TBL1X: variants seen among roughly 807,000 people sequenced by gnomAD.
The protein encoded by TBL1X is F-box-like/WD repeat-containing protein TBL1X.
Under a neutral mutation model 50.7 loss-of-function variants are expected in TBL1X, and 10 were observed. The observed-to-expected ratio is 0.20, with a 90% CI of 0.12 to 0.33. The LOEUF (loss-of-function observed/expected upper bound fraction) is 0.33. TBL1X is among the 10% of genes least tolerant of loss of function. The probability of loss-of-function intolerance (pLI) is 1.00; values close to 1 mark genes in which losing one functional copy is unlikely to be tolerated. For missense variants in TBL1X, 340 were observed against 504.4 expected, an observed-to-expected ratio of 0.67 and a Z score of 3.12; for synonymous variants, 190 against 214.7, an observed-to-expected ratio of 0.88 and a Z score of 1.01.
At chrX:9,594,883 G>A (rs750168559) in intron 2 of TBL1X, among the ~76,000 whole-genome samples, 1 of 112,046 alleles carries the variant, frequency 8.9e-6, no homozygotes, top group South Asian at 3.7e-4. Flanking sequence ...GTGTATACCC[G>A]TGTCTTTCTT....
At chrX:9,678,206 G>C (rs1268742947) in intron 5 of TBL1X, among the ~76,000 whole-genome samples, 1 of 111,679 alleles carries the variant, frequency 9.0e-6, no homozygotes, top group Non-Finnish European at 1.9e-5. Flanking sequence ...TGATTTGGTG[G>C]ACGCAGAACT....
chrX:9,482,544 T>C (rs1332827204), intron 1 of TBL1X, among the ~76,000 whole-genome samples: 1 of 112,189 alleles, frequency 8.9e-6, no homozygotes, highest in Non-Finnish European at 1.9e-5. Flanking sequence ...TTGACTTAAG[T>C]GTTGTACTAG....
chrX:9,621,526 C>T, intron 2 of TBL1X, among the ~76,000 whole-genome samples: 1 of 111,854 alleles, frequency 8.9e-6, no homozygotes, highest in East Asian at 2.8e-4. Flanking sequence ...TTCTATCCTC[C>T]TGTCCTTTTT....
At chrX:9,692,997 T>A in intron 9 of TBL1X, 152 bp from the exon 10 acceptor site, 1 of 560,978 alleles carries the variant, frequency 1.8e-6, no homozygotes, top group Admixed American at 3.1e-5. Flanking sequence ...TTACGATAGC[T>A]TTCAGCATGG....
At chrX:9,471,928 G>C (rs2081817633) in intron 1 of TBL1X, among the ~76,000 whole-genome samples, 1 of 111,528 alleles carries the variant, frequency 9.0e-6, no homozygotes, top group African/African-American at 3.3e-5. Context: ...TGGAACACCT[G>C]CCCAGGCTAG....
chrX:9,682,677 AC>A (rs2060428183), intron 5 of TBL1X, among the ~76,000 whole-genome samples: 1 of 111,830 alleles, frequency 8.9e-6, no homozygotes, highest in African/African-American at 3.2e-5. Context: ...GGGCACTGAT[AC>A]GGAAGCAGAG....
intron 2 of TBL1X, among the ~76,000 whole-genome samples, chrX:9,565,041 C>T (rs1033192234): frequency 1.9e-4 from 21 of 109,811 alleles, no homozygotes; most frequent in Admixed American, 5.8e-4. Flanking sequence ...GAGGCCGAGG[C>T]GGGCGGGTCA....
At chrX:9,638,341 G>A (rs1307989841) in intron 2 of TBL1X, among the ~76,000 whole-genome samples, 1 of 112,265 alleles carries the variant, frequency 8.9e-6, no homozygotes, top group African/African-American at 3.2e-5. Context: ...TTCTTGCCAG[G>A]GCTGTTTATT....
At chrX:9,513,234 A>C (rs2082065418) in intron 2 of TBL1X, among the ~76,000 whole-genome samples, 1 of 110,775 alleles carries the variant, frequency 9.0e-6, no homozygotes, top group Admixed American at 9.7e-5. Flanking sequence ...GTTAGACTGG[A>C]CAAGGTAGCA....
intron 3 of TBL1X, among the ~76,000 whole-genome samples, chrX:9,642,157 A>G (rs1036884949): frequency 3.6e-5 from 4 of 111,558 alleles, no homozygotes; most frequent in African/African-American, 1.3e-4. Flanking sequence ...TACTTTGGGA[A>G]CATAAGCTTC....
intron 2 of TBL1X, among the ~76,000 whole-genome samples, chrX:9,584,154 C>T (rs909317047): frequency 1.8e-5 from 2 of 111,876 alleles, no homozygotes; most frequent in African/African-American, 3.3e-5. Context: ...GAGGTCCAGC[C>T]TCTTTGGGGA....
chrX:9,555,549 G>C (rs1228511635), intron 2 of TBL1X, among the ~76,000 whole-genome samples: 2 of 111,331 alleles, frequency 1.8e-5, no homozygotes, highest in South Asian at 3.8e-4. Context: ...TATTCCTCTG[G>C]GGTAGATTTC....
At chrX:9,541,739 A>C in intron 2 of TBL1X, among the ~76,000 whole-genome samples, 1 of 111,440 alleles carries the variant, frequency 9.0e-6, no homozygotes, top group Non-Finnish European at 1.9e-5. Context: ...TCCAGGTTGG[A>C]CCAGGGGACA....
Position 9,677,356 on chromosome X carries a change from T to G in TBL1X, c.212-6687T>G, listed in dbSNP as rs111705467. 4.5e-3 allele frequency among the ~76,000 whole-genome samples: 497 copies of G among 110,095 alleles called. 2 individuals carry two copies. The highest frequency in any genetic ancestry group is 0.016 in the African/African-American group (474 of 30,259). On this transcript the variant is annotated intron_variant, in intron 5 of 17. Transcript: ENST00000645353. ...CGTTTTGGTTTCATAATGACTGTAT[T>G]GTAAAACCCCTTCTCTTTAGCCTAC...
intron 2 of TBL1X, among the ~76,000 whole-genome samples, chrX:9,604,408 C>CG (rs372886661): frequency 9.2e-6 from 1 of 108,308 alleles, no homozygotes; most frequent in African/African-American, 3.3e-5. Flanking sequence ...CTTTCCCCCC[C>CG]TTTTTTTTTT....
At chrX:9,467,619 T>C (rs2081784562) in intron 1 of TBL1X, among the ~76,000 whole-genome samples, 1 of 57,485 alleles carries the variant, frequency 1.7e-5, no homozygotes, top group African/African-American at 5.3e-5. Flanking sequence ...TTGTAAACAC[T>C]TTTTTTTTTT....
At chrX:9,650,436 C>T (rs1296681723) in intron 3 of TBL1X, among the ~76,000 whole-genome samples, 2 of 111,979 alleles carry the variant, frequency 1.8e-5, no homozygotes, top group East Asian at 2.8e-4. Flanking sequence ...CCAGGTCCTG[C>T]CAGACATAGT....
intron 5 of TBL1X, among the ~76,000 whole-genome samples, chrX:9,657,267 C>G (rs745539464): frequency 8.9e-6 from 1 of 112,333 alleles, no homozygotes; most frequent in Non-Finnish European, 1.9e-5. Flanking sequence ...TCTGCTGGAA[C>G]ACTCAACCCC....
intron 2 of TBL1X, among the ~76,000 whole-genome samples, chrX:9,624,630 C>T (rs183620432): frequency 5.6e-3 from 628 of 111,526 alleles, no homozygotes; most frequent in Non-Finnish European, 7.8e-3. Context: ...AATGGGGCAT[C>T]GTGTTTTCTC....
Sources: gnomAD v4.1 joint callset for allele counts (sites outside exome capture counted in the v4.1 genomes callset) on GRCh38, gnomAD v4.1.1 for gene constraint, MANE v1.5 for transcripts, NCBI Gene and HGNC (gene_info 2026-07-23, HGNC 2026-07-21) for gene names.